Variants in KCNIP3 observed in about 807,000 individuals in gnomAD.
KCNIP3 encodes potassium voltage-gated channel interacting protein 3, also known as calsenilin.
A neutral mutation model predicts 35.0 loss-of-function variants in KCNIP3; 28 were observed. The ratio of observed to expected loss-of-function variants is 0.80; its 90% CI spans 0.59 to 1.10. The LOEUF is 1.10. Among genes scored for constraint, KCNIP3 ranks in the 50% least tolerant of loss-of-function variants. The probability of loss-of-function intolerance (pLI) is 0.00; values close to 1 mark genes in which losing one functional copy is unlikely to be tolerated. For synonymous variants in KCNIP3, 134 were observed against 133.8 expected, an observed-to-expected ratio of 1.00 and a Z score of -0.01; for missense variants, 295 against 338.4, an observed-to-expected ratio of 0.87 and a Z score of 1.01.
At chr2:95,305,626 G>A (rs1329524458) in intron 1 of KCNIP3, among the ~76,000 whole-genome samples, 1 of 152,082 alleles carries the variant, frequency 6.6e-6, no homozygotes, top group Non-Finnish European at 1.5e-5. Context: ...CTGCCGCCCT[G>A]TGAGAGCCAC....
At chr2:95,317,266 C>A (rs997425676) in intron 2 of KCNIP3, among the ~76,000 whole-genome samples, 1 of 152,230 alleles carries the variant, frequency 6.6e-6, no homozygotes, top group Non-Finnish European at 1.5e-5. Flanking sequence ...GAGATCACAC[C>A]CTCAGCTGAT....
At chr2:95,359,374 T>TAAAAAAAAAAAAAA in intron 2 of KCNIP3, among the ~76,000 whole-genome samples, 1 of 151,728 alleles carries the variant, frequency 6.6e-6, no homozygotes, top group Non-Finnish European at 1.5e-5. Context: ...AAAAAGGGGG[T>TAAAAAAAAAAAAAA]AACTGGTCCC....
intron 8 of KCNIP3, 22 bp downstream of exon 8, chr2:95,383,316 G>GC: frequency 6.2e-7 from 1 of 1,611,498 alleles, no homozygotes; most frequent in South Asian, 1.1e-5. Context: ...GGGAGGCTGG[G>GC]CCACAGTTCT....
intron 1 of KCNIP3, among the ~76,000 whole-genome samples, chr2:95,302,209 A>T (rs973729398): frequency 7.9e-5 from 12 of 152,152 alleles, no homozygotes; most frequent in African/African-American, 2.9e-4. Context: ...GGAGCCCCAC[A>T]TCTGAGTAGC....
In KCNIP3 at chr2:95,381,667, C is replaced by G. The variant is rs147356740; in HGVS notation, c.519C>G (p.Leu173=). Residue 173 remains leucine, a synonymous_variant, in exon 6 of 9, where the codon CTC becomes CTG. Coordinates refer to ENST00000295225, the MANE Select transcript of KCNIP3 (RefSeq NM_013434.5). ...AGAAGCTCAAGTGGGCCTTTAATCTCTACGACATTAACAAGGATGGCTACA... is the reference window on the plus strand; with the variant it reads ...AGAAGCTCAAGTGGGCCTTTAATCTGTACGACATTAACAAGGATGGCTACA... ...VHEKLKWAFN[L]YDINKDGYIT... The G allele has an allele frequency of 5.0e-6, 8 of 1,613,956 alleles. No homozygotes were observed. Among genetic ancestry groups the G allele is most frequent in the Non-Finnish European group, 5.1e-6 (6 of 1,179,938 alleles).
At chr2:95,317,877 AG>A (rs969277843) in intron 2 of KCNIP3, among the ~76,000 whole-genome samples, 1 of 152,154 alleles carries the variant, frequency 6.6e-6, no homozygotes, top group African/African-American at 2.4e-5. Context: ...CCGAGGCTGC[AG>A]GAGTGCCAGC....
At chr2:95,371,804 A>G (rs1050587458) in intron 2 of KCNIP3, among the ~76,000 whole-genome samples, 10 of 144,280 alleles carry the variant, frequency 6.9e-5, no homozygotes, top group Non-Finnish European at 1.5e-4. Flanking sequence ...TTTATTTTAA[A>G]TCTTTTTTTT....
At chr2:95,339,020 C>A (rs1183688398) in intron 2 of KCNIP3, among the ~76,000 whole-genome samples, 4 of 152,214 alleles carry the variant, frequency 2.6e-5, no homozygotes, top group African/African-American at 4.8e-5. Flanking sequence ...CAGCCTGGAG[C>A]CTTTGTAAAG....
In KCNIP3 at chr2:95,378,492, T is replaced by C. The variant is rs1300181835; in HGVS notation, c.448-3104T>C. ...GCTCACGCCTGCAATCCCAGCACTT[T>C]GAGAGGCCAAGGCGGTCAGATCACC... is the stretch of plus-strand genomic sequence containing the variant. On this transcript the variant is annotated intron_variant, in intron 5 of 8. Coordinates refer to ENST00000295225, the MANE Select transcript of KCNIP3 (RefSeq NM_013434.5). The surrounding 1 kb of genome is among the most constrained non-coding windows in gnomAD (Gnocchi z 4.0). Among the ~76,000 whole-genome samples the C allele has an allele frequency of 6.6e-6, 1 of 150,880 alleles. No homozygotes were observed. Among genetic ancestry groups the C allele is most frequent in the African/African-American group, 2.4e-5 (1 of 40,914 alleles).
rs771417806 is a variant in KCNIP3 at position 95,310,361 on chromosome 2, A to T, written c.22A>T (p.Thr8Ser). MQPAKEV[T>S]KASDGSLLGD... ...CTGCCTGTTCCTACTGCAGGAAGTG[A>T]CAAAGGCGTCGGACGGCAGCCTCCT... The change falls in exon 2 of 9, where the codon ACA becomes TCA. Residue 8 changes from threonine to serine, a missense_variant. By Grantham distance (58) the Thr-to-Ser change is moderately conservative. Transcript: ENST00000295225. 6.2e-7 allele frequency: 1 copy of T among 1,611,696 alleles called. No individual in the cohort carries two copies. The highest frequency in any genetic ancestry group is 8.5e-7 in the Non-Finnish European group (1 of 1,178,192).
intron 1 of KCNIP3, chr2:95,298,910 A>G (rs1389205623): frequency 1.3e-5 from 2 of 152,248 alleles, no homozygotes; most frequent in Non-Finnish European, 2.9e-5. Context: ...GCGACCCTGC[A>G]TGACTACAGA....
intron 2 of KCNIP3, among the ~76,000 whole-genome samples, chr2:95,327,376 C>T (rs1236055903): frequency 6.6e-6 from 1 of 152,130 alleles, no homozygotes. Flanking sequence ...CACACACATT[C>T]ACACACACGC....
intron 2 of KCNIP3, among the ~76,000 whole-genome samples, chr2:95,349,076 C>T (rs1394051981): frequency 1.3e-5 from 2 of 152,040 alleles, no homozygotes; most frequent in Non-Finnish European, 2.9e-5. Context: ...CAGCCATTCT[C>T]TCACTCAGAC....
chr2:95,337,167 G>A (rs1385205483), intron 2 of KCNIP3, among the ~76,000 whole-genome samples: 4 of 152,174 alleles, frequency 2.6e-5, no homozygotes, highest in Non-Finnish European at 5.9e-5. Flanking sequence ...AGTGCTAGGA[G>A]ACCTTGTATG....
At chr2:95,383,156 T>G in intron 7 of KCNIP3, 76 bp from the exon 8 acceptor site, 1 of 577,426 alleles carries the variant, frequency 1.7e-6, no homozygotes, top group East Asian at 6.7e-5. Context: ...CACCCATGAC[T>G]TCTGCGTCCT....
intron 2 of KCNIP3, among the ~76,000 whole-genome samples, chr2:95,319,899 T>C (rs193134026): frequency 7.2e-5 from 11 of 152,248 alleles, no homozygotes; most frequent in African/African-American, 2.4e-4. Context: ...GGAGGGCTGC[T>C]CCCAAGGTGG....
At chr2:95,366,926 A>C (rs1394813553) in intron 2 of KCNIP3, among the ~76,000 whole-genome samples, 1 of 152,178 alleles carries the variant, frequency 6.6e-6, no homozygotes, top group Admixed American at 6.5e-5. Flanking sequence ...TATTCTGTAT[A>C]TCCTTTGTCA....
At chr2:95,313,766 A>G (rs990778135) in intron 2 of KCNIP3, 2 of 152,128 alleles carry the variant, frequency 1.3e-5, no homozygotes, top group Non-Finnish European at 2.9e-5. Flanking sequence ...AGTTCACAGA[A>G]ACTCCGGAGG....
Position 95,378,960 on chromosome 2 carries a change from C to T in KCNIP3, c.448-2636C>T, listed in dbSNP as rs1185679505. On this transcript the variant is annotated intron_variant, in intron 5 of 8. Coordinates refer to ENST00000295225, the MANE Select transcript of KCNIP3 (RefSeq NM_013434.5). The surrounding 1 kb of genome is among the most constrained non-coding windows in gnomAD (Gnocchi z 4.0). ...ACACATGACTGGAGTCCAACACATT[C>T]GCAGGGTGCACGTTGGAAAACCAGC... 2.6e-5 allele frequency among the ~76,000 whole-genome samples: 4 copies of T among 151,984 alleles called. No individual in the cohort carries two copies. The highest frequency in any genetic ancestry group is 1.9e-4 in the East Asian group (1 of 5,194).
Sources: allele counts gnomAD v4.1 joint callset (sites outside exome capture counted in the v4.1 genomes callset), GRCh38; gene constraint gnomAD v4.1.1; non-coding constraint Gnocchi (gnomAD v3.1); transcripts MANE v1.5; gene names NCBI Gene and HGNC (gene_info 2026-07-23, HGNC 2026-07-21).